Variants in E2F3 observed in about 807,000 individuals in gnomAD.
E2F3 encodes the protein transcription factor E2F3.
Under a neutral mutation model 44.4 loss-of-function variants are expected in E2F3, and 11 were observed. The observed-to-expected ratio is 0.25, with a 90% CI of 0.16 to 0.41. E2F3 has a LOEUF of 0.41. Among genes scored for constraint, E2F3 ranks in the 10% least tolerant of loss-of-function variants. E2F3 has a pLI of 1.00. For missense variants in E2F3, 487 were observed against 583.6 expected (o/e 0.83, Z 1.70); for synonymous variants, 249 against 253.0 (o/e 0.98, Z 0.15).
chr6:20,490,668 A>G lies in E2F3; in HGVS notation c.*238A>G. The stretch of plus-strand genomic sequence containing the variant: ...AAAGCCCTGCTTTGCTCCAGGCTCC[A>G]AGATCTCCTGGCTAAGTCAGCAAGT... On this transcript the variant is annotated 3_prime_UTR_variant, in exon 7 of 7. Transcript: ENST00000346618. This position sits in a 1 kb window ranked among gnomAD's most constrained non-coding sequence, Gnocchi z 4.3. The G allele has an allele frequency of 2.9e-6, 1 of 350,404 alleles. No homozygotes were observed. Among genetic ancestry groups the G allele is most frequent in the African/African-American group, 2.1e-5 (1 of 47,918 alleles). 21.7% of individuals were successfully genotyped at this position (350,404 alleles called of 1,614,324 possible). A position where few individuals can be genotyped will look rare whatever the true frequency, so the allele number is the denominator to read the frequency against.
Position 20,493,170 on chromosome 6 carries a change from A to G in E2F3, c.*2740A>G, listed in dbSNP as rs769370298. 8.0e-5 allele frequency: 18 copies of G among 225,498 alleles called. No homozygotes were observed. The highest frequency in any genetic ancestry group is 1.4e-4 in the Non-Finnish European group (16 of 112,980). 14.0% of individuals were successfully genotyped at this position (225,498 alleles called of 1,614,324 possible). On this transcript the variant is annotated 3_prime_UTR_variant, in exon 7 of 7. Transcript: ENST00000346618. ...CAATTAATTTGTAAACACTGCCAGAATACTTTCTAGCTGCTTTGTAATTTT... is the reference window on the plus strand; with the variant it reads ...CAATTAATTTGTAAACACTGCCAGAGTACTTTCTAGCTGCTTTGTAATTTT...
In E2F3 at chr6:20,492,102, G is replaced by A. The variant is rs1363129445; in HGVS notation, c.*1672G>A. On this transcript the variant is annotated 3_prime_UTR_variant, in exon 7 of 7. Coordinates refer to ENST00000346618, the MANE Select transcript of E2F3 (RefSeq NM_001949.5). ...TGCCTGACCCAATGGTAGGCACATA[G>A]TAGGCACTCAACTCATATGTTTAAT... The A allele has an allele frequency of 4.8e-6, 1 of 208,808 alleles. No individual in the cohort carries two copies. The highest frequency in any genetic ancestry group is 2.3e-5 in the African/African-American group (1 of 43,722). The allele number at this position is 208,808 out of a possible 1,614,324, so 12.9% of individuals were successfully genotyped here.
At chr6:20,447,279 G>A (rs1490810556) in intron 1 of E2F3, among the ~76,000 whole-genome samples, 1 of 151,956 alleles carries the variant, frequency 6.6e-6, no homozygotes, top group African/African-American at 2.4e-5. Context: ...CTTGCCCAAG[G>A]GACAAATGAG....
intron 1 of E2F3, among the ~76,000 whole-genome samples, chr6:20,451,770 G>A (rs1397282438): frequency 6.6e-6 from 1 of 152,150 alleles, no homozygotes; most frequent in Non-Finnish European, 1.5e-5. Flanking sequence ...TTAACATGAA[G>A]CAGTGTTGAA....
intron 1 of E2F3, among the ~76,000 whole-genome samples, chr6:20,464,669 G>A (rs559510769): frequency 6.6e-6 from 1 of 152,330 alleles, no homozygotes; most frequent in South Asian, 2.1e-4. Context: ...CTCAAAGGGT[G>A]GATTTGCATG....
At position 20,417,067 on chromosome 6, in the gene E2F3, C is replaced by A. The variant is rs78795948; in HGVS notation, c.393+14442C>A. ...CTGGCATGTTTGACAATTATTTTTT[C>A]TTTTAATTCCTTCAGTTTTTATTGG... On this transcript the variant is annotated intron_variant, in intron 1 of 6. Coordinates refer to ENST00000346618, the MANE Select transcript of E2F3 (RefSeq NM_001949.5). Among the ~76,000 whole-genome samples, 126 of 152,278 alleles carry A rather than the reference C, an allele frequency of 8.3e-4. 1 individual carries two copies. In the East Asian group the frequency reaches 0.019, roughly 24 times the overall value.
intron 4 of E2F3, 150 bp downstream of exon 4, chr6:20,483,070 CACGTGTGTGTGTAA>C: frequency 8.6e-7 from 1 of 1,160,698 alleles, no homozygotes; most frequent in Non-Finnish European, 1.2e-6. Flanking sequence ...TGTGTGTGTG[CACGTGTGTGTGTAA>C]ACCCAGTTAG....
intron 1 of E2F3, among the ~76,000 whole-genome samples, chr6:20,437,083 T>C (rs1244134775): frequency 3.9e-5 from 6 of 152,212 alleles, no homozygotes; most frequent in African/African-American, 1.4e-4. Context: ...AAGCTGTGAT[T>C]GTGCTGCTGC....
chr6:20,413,171 G>A (rs1759730342), intron 1 of E2F3, among the ~76,000 whole-genome samples: 1 of 152,174 alleles, frequency 6.6e-6, no homozygotes, highest in African/African-American at 2.4e-5. Context: ...GTATTAAGTA[G>A]TAAAAATCCA....
intron 2 of E2F3, among the ~76,000 whole-genome samples, chr6:20,480,437 G>C (rs1159982033): frequency 6.6e-6 from 1 of 152,202 alleles, no homozygotes; most frequent in African/African-American, 2.4e-5. Context: ...TTGTGGGAGA[G>C]AGAGAAACGT....
chr6:20,429,567 G>C (rs1211762045), intron 1 of E2F3, among the ~76,000 whole-genome samples: 1 of 152,168 alleles, frequency 6.6e-6, no homozygotes, highest in Non-Finnish European at 1.5e-5. Flanking sequence ...GATGAGGAGA[G>C]ACTACCGTAT....
chr6:20,406,143 G>A (rs1759487873), intron 1 of E2F3, among the ~76,000 whole-genome samples: 2 of 152,148 alleles, frequency 1.3e-5, no homozygotes, highest in Admixed American at 1.3e-4. Flanking sequence ...GAATATCTAA[G>A]GACTTAACCA....
intron 1 of E2F3, among the ~76,000 whole-genome samples, chr6:20,431,847 T>C (rs748616566): frequency 1.3e-5 from 2 of 152,228 alleles, no homozygotes; most frequent in African/African-American, 2.4e-5. Flanking sequence ...ACTGGGTGGC[T>C]TCAACAGCAG....
At position 20,402,293 on chromosome 6, in the gene E2F3, G is replaced by A; in HGVS notation, c.61G>A (p.Gly21Arg). Residue 21 changes from glycine to arginine, a missense_variant, in exon 1 of 7, where the codon GGG becomes AGG. Physicochemically the swap from Gly to Arg is moderately radical, Grantham distance 125. Around this residue, in one of 3 missense-constraint regions of E2F3, gnomAD observed 238 missense variants for 236.0 expected, o/e 1.01. Transcript: ENST00000346618. The surrounding 1 kb of genome is among the most constrained non-coding windows in gnomAD (Gnocchi z 5.6). ...QYLVTAGGGE[G>R]AAVVAAAAAA... ...CCTGGTGACCGCCGGGGGTGGGGAGGGGGCGGCTGTCGTCGCCGCCGCCGC... is the reference window on the plus strand; with the variant it reads ...CCTGGTGACCGCCGGGGGTGGGGAGAGGGCGGCTGTCGTCGCCGCCGCCGC... 1 of 1,608,686 alleles carries A rather than the reference G, an allele frequency of 6.2e-7. No homozygotes were observed.
chr6:20,464,392 G>A (rs555742997), intron 1 of E2F3, among the ~76,000 whole-genome samples: 12 of 152,284 alleles, frequency 7.9e-5, no homozygotes, highest in African/African-American at 2.6e-4. Flanking sequence ...GCATTCCTCA[G>A]GTAGGTAGCA....
At chr6:20,452,449 A>C (rs1418262805) in intron 1 of E2F3, 5 of 151,860 alleles carry the variant, frequency 3.3e-5, no homozygotes, top group Non-Finnish European at 7.4e-5. Context: ...TCCAATTTTC[A>C]TATATGTGCT....
chr6:20,416,574 GAA>G (rs1266881542), intron 1 of E2F3, among the ~76,000 whole-genome samples: 1 of 152,166 alleles, frequency 6.6e-6, no homozygotes, highest in African/African-American at 2.4e-5. Context: ...TGTTAGAAAT[GAA>G]AGTTTTCAGG....
Position 20,491,702 on chromosome 6 carries a change from A to C in E2F3, c.*1272A>C, listed in dbSNP as rs1162870634. On this transcript the variant is annotated 3_prime_UTR_variant, in exon 7 of 7. Transcript: ENST00000346618. ...CCATTGTGTGAGTGGCATTTCCTTAAGCTGGCAGGAACAGGGAGCAGCCCT... is the reference window on the plus strand; with the variant it reads ...CCATTGTGTGAGTGGCATTTCCTTACGCTGGCAGGAACAGGGAGCAGCCCT... 1 of 183,442 alleles carries C rather than the reference A, an allele frequency of 5.5e-6. No homozygotes were observed. Among genetic ancestry groups the C allele is most frequent in the Admixed American group, 6.3e-5 (1 of 15,988 alleles). The allele number at this position is 183,442 out of a possible 1,614,324, so 11.4% of individuals were successfully genotyped here. A position where few individuals can be genotyped will look rare whatever the true frequency, so the allele number is the denominator to read the frequency against.
intron 1 of E2F3, among the ~76,000 whole-genome samples, chr6:20,458,604 C>T (rs1417572283): frequency 6.6e-6 from 1 of 152,200 alleles, no homozygotes; most frequent in African/African-American, 2.4e-5. Context: ...CATATCTTAT[C>T]AGTGTAACTT....
Sources: gnomAD v4.1 joint callset for allele counts (sites outside exome capture counted in the v4.1 genomes callset) on GRCh38, gnomAD v4.1.1 for gene constraint, gnomAD v4.1.1 regional missense constraint, Gnocchi (gnomAD v3.1) non-coding constraint, MANE v1.5 for transcripts, NCBI Gene and HGNC (gene_info 2026-07-23, HGNC 2026-07-21) for gene names.